Variants in PCF11 observed in about 807,000 individuals in gnomAD.
The protein encoded by PCF11 is pre-mRNA cleavage complex 2 protein Pcf11.
Under a neutral mutation model 166.1 loss-of-function variants are expected in PCF11, and 19 were observed. The observed-to-expected ratio is 0.11, with a 90% CI of 0.08 to 0.17. The LOEUF is 0.17. PCF11 is among the 10% of genes least tolerant of loss of function. The pLI is 1.00. For missense variants in PCF11, 1,565 were observed against 1,855.5 expected (o/e 0.84, Z 2.88); for synonymous variants, 663 against 644.1 (o/e 1.03, Z -0.44).
At chr11:83,164,854 C>A (rs1361160682) in intron 4 of PCF11, among the ~76,000 whole-genome samples, 11 of 152,136 alleles carry the variant, frequency 7.2e-5, no homozygotes. Flanking sequence ...CAGATCAAGA[C>A]CCTGTCTCAA....
At position 83,165,738 on chromosome 11, in the gene PCF11, C is replaced by T. The variant is rs772782020; in HGVS notation, c.841C>T (p.Pro281Ser). ...TCCTGTGCAATCTGAGAAAAGCCGT[C>T]CAGGACCATCCTTACAAATTCAGGA... The change falls in exon 5 of 16, where the codon CCA becomes TCA. Residue 281 changes from proline (P) to serine (S), a missense_variant. Physicochemically the swap from Pro to Ser is moderately conservative, Grantham distance 74. Around this residue, in one of 12 missense-constraint regions of PCF11, gnomAD observed 468 missense variants for 483.4 expected, o/e 0.97. Coordinates refer to ENST00000298281, the Ensembl canonical transcript of PCF11. 8.2e-5 allele frequency: 132 copies of T among 1,613,494 alleles called. No individual in the cohort carries two copies. Among genetic ancestry groups the T allele is most frequent in the Non-Finnish European group, 1.1e-4 (130 of 1,179,756 alleles).
chr11:83,164,174 C>T lies in PCF11; in HGVS notation c.508-33C>T, dbSNP rs17144685. The T allele has an allele frequency of 4.0e-3, 6,128 of 1,516,000 alleles. 193 individuals carry two copies. The African/African-American group carries it at 0.071, about 18-fold the overall frequency. The allele number at this position is 1,516,000 out of a possible 1,614,324, so 93.9% of individuals were successfully genotyped here. A position where few individuals can be genotyped will look rare whatever the true frequency, so the allele number is the denominator to read the frequency against. ...TCCCTAGCTTCCGTTTTAGCTGATA[C>T]GTTTTTCTTAAACAAATTGTCTTTT... On this transcript the variant is annotated intron_variant, in intron 3 of 15. Transcript: ENST00000298281.
chr11:83,157,181 C>T (rs1052677192), exon 1 of PCF11: 2 of 574,958 alleles, frequency 3.5e-6, no homozygotes, highest in East Asian at 2.8e-5. Context: ...GGAGCCGCCA[C>T]TGCCGCCGCC....
At chr11:83,157,263 C>T in exon 1 of PCF11, 2 of 600,956 alleles carry the variant, frequency 3.3e-6, no homozygotes, top group Non-Finnish European at 5.9e-6. Flanking sequence ...GAGACGGCGG[C>T]GTTTCATACC....
intron 8 of PCF11, among the ~76,000 whole-genome samples, chr11:83,170,656 G>A (rs1451231114): frequency 1.3e-5 from 2 of 152,180 alleles, no homozygotes; most frequent in African/African-American, 4.8e-5. Context: ...CTTTAAGGCA[G>A]TATGTTTACA....
At chr11:83,182,446 AGAG>A in exon 14 of PCF11, 1 of 1,579,868 alleles carries the variant, frequency 6.3e-7, no homozygotes, top group Non-Finnish European at 8.7e-7. Flanking sequence ...GGGATGAAGA[AGAG>A]GAGGAATGGC....
exon 3 of PCF11, chr11:83,163,810 A>G (rs373291647): frequency 2.2e-5 from 35 of 1,591,690 alleles, no homozygotes; most frequent in African/African-American, 1.5e-4. Flanking sequence ...TTAAACCTCT[A>G]CCCCCCAATG....
chr11:83,176,728 C>A lies in PCF11; in HGVS notation c.3758-357C>A, dbSNP rs563116364. On this transcript the variant is annotated intron_variant, in intron 9 of 15. Transcript: ENST00000298281. ...GGGAGGGATAGCATTAGGAGAAATA[C>A]CTAATGTAAATGACGAGTTGATTGG... Among the ~76,000 whole-genome samples the A allele has an allele frequency of 5.3e-5, 8 of 151,964 alleles. No individual in the cohort carries two copies. In the East Asian group the frequency reaches 1.5e-3, roughly 29 times the overall value.
At chr11:83,178,961 CTATTG>C (rs1590937109) in intron 11 of PCF11, among the ~76,000 whole-genome samples, 1 of 151,942 alleles carries the variant, frequency 6.6e-6, no homozygotes, top group African/African-American at 2.4e-5. Flanking sequence ...TCATAATTTT[CTATTG>C]TATTATAAAA....
rs1860353898 is a variant in PCF11, at chr11:83,163,965, G to A, written c.507+98G>A. On this transcript the variant is annotated intron_variant, in intron 3 of 15. Coordinates refer to ENST00000298281, the Ensembl canonical transcript of PCF11. ...GCCAGAAAGTCAAAATAGAATACTC[G>A]GTAGTGAATTGGTTCAATTTGAAAA... 12 of 599,244 alleles carry A rather than the reference G, an allele frequency of 2.0e-5. No individual in the cohort carries two copies. In the South Asian group the frequency reaches 2.1e-4, roughly 11 times the overall value. 37.1% of individuals were successfully genotyped at this position (599,244 alleles called of 1,614,324 possible).
At chr11:83,166,626 T>G (rs1408432604) in exon 5 of PCF11, 1 of 1,613,098 alleles carries the variant, frequency 6.2e-7, no homozygotes, top group East Asian at 2.2e-5. Context: ...TTCTACAAAG[T>G]CAGGCACTGA....
At chr11:83,157,277 G>A in exon 1 of PCF11, 2 of 621,110 alleles carry the variant, frequency 3.2e-6, no homozygotes, top group Non-Finnish European at 5.6e-6. Flanking sequence ...TCATACCCGA[G>A]GTTCCCCCTG....
intron 9 of PCF11, among the ~76,000 whole-genome samples, chr11:83,174,969 A>C (rs1483935117): frequency 6.6e-6 from 1 of 152,194 alleles, no homozygotes; most frequent in East Asian, 1.9e-4. Context: ...TTAGCCTACG[A>C]TATATAAGGC....
At chr11:83,174,967 C>T (rs982913616) in intron 9 of PCF11, among the ~76,000 whole-genome samples, 1 of 152,022 alleles carries the variant, frequency 6.6e-6, no homozygotes, top group Non-Finnish European at 1.5e-5. Flanking sequence ...AATTAGCCTA[C>T]GATATATAAG....
rs959709689 is a variant in PCF11, at chr11:83,177,845, T to G, written c.3983+26T>G. ...GTATGTAATCTAATTTTCTTTAAGATAAAGAGGCAGTGACTTTAATAACAC... is the reference window on the plus strand; with the variant it reads ...GTATGTAATCTAATTTTCTTTAAGAGAAAGAGGCAGTGACTTTAATAACAC... On this transcript the variant is annotated intron_variant, in intron 11 of 15. Coordinates refer to ENST00000298281, the Ensembl canonical transcript of PCF11. The G allele has an allele frequency of 2.6e-6, 3 of 1,162,892 alleles. No homozygotes were observed. The African/African-American group carries it at 4.6e-5, about 18-fold the overall frequency. 72.0% of individuals were successfully genotyped at this position (1,162,892 alleles called of 1,614,324 possible).
intron 8 of PCF11, 75 bp downstream of exon 8, chr11:83,170,070 A>C: frequency 2.4e-6 from 3 of 1,241,748 alleles, no homozygotes; most frequent in Non-Finnish European, 3.3e-6. Context: ...GAGGGTTTTC[A>C]GGACATAGTT....
At chr11:83,165,646 G>C in exon 5 of PCF11, 1 of 1,613,512 alleles carries the variant, frequency 6.2e-7, no homozygotes, top group Non-Finnish European at 8.5e-7. Flanking sequence ...TTAGGTCCTG[G>C]ATCTGCACCA....
intron 2 of PCF11, among the ~76,000 whole-genome samples, chr11:83,162,177 A>G (rs577404686): frequency 3.9e-4 from 60 of 152,346 alleles, no homozygotes; most frequent in African/African-American, 1.4e-3. Context: ...CTGTCAGGCT[A>G]TATCTTTCAC....
At chr11:83,169,766 A>C in exon 8 of PCF11, 1 of 1,613,926 alleles carries the variant, frequency 6.2e-7, no homozygotes, top group Non-Finnish European at 8.5e-7. Context: ...AATGCTTTTA[A>C]TGCCCCATCC....
Sources: allele counts gnomAD v4.1 joint callset (sites outside exome capture counted in the v4.1 genomes callset), GRCh38; gene constraint gnomAD v4.1.1; regional missense constraint gnomAD v4.1.1; transcripts MANE v1.5; gene names NCBI Gene and HGNC (gene_info 2026-07-23, HGNC 2026-07-21).